Variants in TMED3 observed in about 807,000 individuals in gnomAD.
The protein encoded by TMED3 is transmembrane p24 trafficking protein 3.
Under a neutral mutation model 15.0 loss-of-function variants are expected in TMED3, and 9 were observed. The ratio of observed to expected loss-of-function variants is 0.60; its 90% CI spans 0.36 to 1.04. The LOEUF (loss-of-function observed/expected upper bound fraction) is 1.04, where lower values mean the gene tolerates loss of function less well. Ranked by LOEUF, TMED3 falls within the 50% of genes least tolerant of loss-of-function variation. TMED3 has a pLI of 0.01. For missense variants in TMED3, 267 were observed against 278.9 expected (o/e 0.96, Z 0.30); for synonymous variants, 117 against 121.4 (o/e 0.96, Z 0.24).
chr15:79,313,487 T>G (rs895932158), intron 1 of TMED3, among the ~76,000 whole-genome samples: 1 of 152,208 alleles, frequency 6.6e-6, no homozygotes, highest in Non-Finnish European at 1.5e-5. Context: ...TGGAAAGGAT[T>G]AGGCTCATTG....
At chr15:79,342,281 A>T (rs1159699763) in intron 2 of TMED3, among the ~76,000 whole-genome samples, 1 of 135,894 alleles carries the variant, frequency 7.4e-6, no homozygotes, top group Non-Finnish European at 1.6e-5. Context: ...TGTATGCAAC[A>T]TAAACAAGAT....
intron 2 of TMED3, among the ~76,000 whole-genome samples, chr15:79,355,630 A>C (rs2058915944): frequency 6.6e-6 from 1 of 152,140 alleles, no homozygotes; most frequent in Non-Finnish European, 1.5e-5. Flanking sequence ...ATACACTGCA[A>C]CCCTCAGCAA....
At chr15:79,374,340 G>T (rs2141246400) in intron 2 of TMED3, among the ~76,000 whole-genome samples, 1 of 152,254 alleles carries the variant, frequency 6.6e-6, no homozygotes, top group East Asian at 1.9e-4. Flanking sequence ...GAATTCCAAA[G>T]GAAGGAAAGT....
intron 2 of TMED3, among the ~76,000 whole-genome samples, chr15:79,345,497 C>T (rs2058867312): frequency 6.6e-6 from 1 of 152,200 alleles, no homozygotes; most frequent in South Asian, 2.1e-4. Context: ...TTTCTGGCTG[C>T]ATAGTATTCC....
At chr15:79,381,215 C>A (rs1332029102) in intron 2 of TMED3, among the ~76,000 whole-genome samples, 1 of 152,148 alleles carries the variant, frequency 6.6e-6, no homozygotes, top group Non-Finnish European at 1.5e-5. Context: ...CAGGTGGCAG[C>A]ATCCTCTAGT....
At chr15:79,413,827 G>T (rs943071386) in exon 3 of TMED3, 1 of 152,122 alleles carries the variant, frequency 6.6e-6, no homozygotes, top group Admixed American at 6.5e-5. Context: ...GGTCTGATTT[G>T]GTTATAGAAC....
In TMED3 at chr15:79,352,062, C is replaced by CG. The variant is rs201179538; in HGVS notation, c.417+38063dup. Among the ~76,000 whole-genome samples, 1,077 of 144,156 alleles carry CG rather than the reference C, an allele frequency of 7.5e-3. 27 individuals are homozygous for CG. Among genetic ancestry groups the CG allele is most frequent in the Admixed American group, 0.05 (701 of 14,114 alleles). The allele number at this position is 144,156 out of a possible 152,430, so 94.6% of individuals were successfully genotyped here. ...AATGATACAATGGGCTTTGGGGACT[C>CG]GGGGGGAAAGAGTAGGAGGGGGGTG... On this transcript the variant is annotated intron_variant, in intron 2 of 2. Transcript: ENST00000424155.
downstream of TMED3, among the ~76,000 whole-genome samples, chr15:79,326,270 A>G (rs1397171849): frequency 6.6e-6 from 1 of 152,362 alleles, no homozygotes; most frequent in East Asian, 1.9e-4. Context: ...ACAAAGTTGC[A>G]AAAATAGCTC....
intron 1 of TMED3, 105 bp from the exon 2 acceptor site, chr15:79,313,652 G>C: frequency 7.0e-7 from 1 of 1,432,376 alleles, no homozygotes; most frequent in Non-Finnish European, 9.3e-7. Flanking sequence ...AAGTTTTGAA[G>C]ATGAAGTGAC....
intron 2 of TMED3, among the ~76,000 whole-genome samples, chr15:79,369,743 G>A (rs7168781): frequency 0.97 from 147,350 of 152,336 alleles, 71,480 homozygotes; most frequent in Middle Eastern, 1. Context: ...GCCCTGTTGG[G>A]TATTGATGTT....
At chr15:79,323,273 G>A (rs1364582566), downstream of TMED3, among the ~76,000 whole-genome samples, 1 of 152,186 alleles carries the variant, frequency 6.6e-6, no homozygotes, top group Non-Finnish European at 1.5e-5. Flanking sequence ...TAGGTCTGGA[G>A]GGAAGATACA....
In TMED3 at chr15:79,322,804, G is replaced by A; in HGVS notation, c.*590G>A. The A allele has an allele frequency of 1.0e-6, 1 of 985,536 alleles. No individual in the cohort carries two copies. Among genetic ancestry groups the A allele is most frequent in the Non-Finnish European group, 1.2e-6 (1 of 830,078 alleles). 61.0% of individuals were successfully genotyped at this position (985,536 alleles called of 1,614,324 possible). ...TATTTCCTAGGAGGTAGAAAACTGT[G>A]GGAAACTGTGGCTAATAAAAACTAA... On this transcript the variant is annotated 3_prime_UTR_variant, in exon 3 of 3. Transcript: ENST00000299705.
At chr15:79,373,718 G>A (rs905837831) in intron 2 of TMED3, among the ~76,000 whole-genome samples, 2 of 152,184 alleles carry the variant, frequency 1.3e-5, no homozygotes, top group Non-Finnish European at 2.9e-5. Context: ...GAACATGCAC[G>A]CCAGGTAGTT....
In TMED3 at chr15:79,353,129, TAAAATATATAA is replaced by T. The variant is rs1361231988; in HGVS notation, c.417+39138_417+39148del. On this transcript the variant is annotated intron_variant, in intron 2 of 2. Transcript: ENST00000424155. ...ATATAAAATATATATATAATATATA[TAAAATATATAA>T]AAAATATATAAAATATATATAAATA... Among the ~76,000 whole-genome samples, 547 of 77,072 alleles carry T rather than the reference TAAAATATATAA, an allele frequency of 7.1e-3. 6 individuals carry two copies. Among genetic ancestry groups the T allele is most frequent in the African/African-American group, 0.032 (516 of 15,972 alleles). The allele number at this position is 77,072 out of a possible 152,430, so 50.6% of individuals were successfully genotyped here.
In TMED3 at chr15:79,347,059, C is replaced by T. The variant is rs180705685; in HGVS notation, c.417+33054C>T. ...CCAACATCATCCTGATACCAAAACA[C>T]GGCAGAGACACAACAGATAAAGAAA... On this transcript the variant is annotated intron_variant, in intron 2 of 2. Transcript: ENST00000424155. 9.6e-3 allele frequency among the ~76,000 whole-genome samples: 1,460 copies of T among 152,148 alleles called. 37 individuals carry two copies. The highest frequency in any genetic ancestry group is 0.069 in the Admixed American group (1,060 of 15,266).
chr15:79,317,918 G>C (rs370870134), intron 2 of TMED3, among the ~76,000 whole-genome samples: 1 of 152,198 alleles, frequency 6.6e-6, no homozygotes, highest in African/African-American at 2.4e-5. Context: ...GCAGATTCTC[G>C]TAAAGTGGGA....
At chr15:79,370,552 C>T (rs536234907) in intron 2 of TMED3, among the ~76,000 whole-genome samples, 1 of 152,314 alleles carries the variant, frequency 6.6e-6, no homozygotes, top group African/African-American at 2.4e-5. Flanking sequence ...CACTCTGAAA[C>T]ACCTAGAGTG....
chr15:79,372,709 A>G (rs1341157064), intron 2 of TMED3, among the ~76,000 whole-genome samples: 1 of 152,206 alleles, frequency 6.6e-6, no homozygotes, highest in Non-Finnish European at 1.5e-5. Flanking sequence ...GGTTCCTCCC[A>G]TGACACATGG....
At chr15:79,319,998 G>A (rs71409224) in intron 2 of TMED3, among the ~76,000 whole-genome samples, 1 of 79,166 alleles carries the variant, frequency 1.3e-5, no homozygotes, top group African/African-American at 3.2e-5. Context: ...GGGCCTGACT[G>A]ATGTCAGGCC....
Sources: gnomAD v4.1 joint callset for allele counts (sites outside exome capture counted in the v4.1 genomes callset) on GRCh38, gnomAD v4.1.1 for gene constraint, MANE v1.5 for transcripts, NCBI Gene and HGNC (gene_info 2026-07-23, HGNC 2026-07-21) for gene names.